FRS2: variants seen among roughly 807,000 people sequenced by gnomAD.
FRS2 encodes the protein FGFR signalling adaptor.
Under a neutral mutation model 43.9 loss-of-function variants are expected in FRS2, and 8 were observed. That is an observed-to-expected ratio of 0.18 (90% CI 0.11 to 0.33). FRS2 has a LOEUF of 0.33. Ranked by LOEUF, FRS2 falls within the 10% of genes least tolerant of loss-of-function variation. FRS2 has a pLI of 1.00. For synonymous variants in FRS2, 219 were observed against 220.3 expected, an observed-to-expected ratio of 0.99 and a Z score of 0.05; for missense variants, 534 against 627.6, an observed-to-expected ratio of 0.85 and a Z score of 1.59.
chr12:69,530,221 A>G (rs1196773601), intron 1 of FRS2, among the ~76,000 whole-genome samples: 1 of 152,186 alleles, frequency 6.6e-6, no homozygotes, highest in Non-Finnish European at 1.5e-5. Flanking sequence ...TATAATAAAT[A>G]AGCAATTTGT....
At chr12:69,505,396 A>C (rs774864297) in intron 1 of FRS2, among the ~76,000 whole-genome samples, 1 of 152,242 alleles carries the variant, frequency 6.6e-6, no homozygotes, top group Non-Finnish European at 1.5e-5. Flanking sequence ...AAGGATATAC[A>C]TAATAAGAAT....
intron 7 of FRS2, among the ~76,000 whole-genome samples, 154 bp downstream of exon 7, chr12:69,571,588 G>A (rs139464067): frequency 0.019 from 2,872 of 152,296 alleles, 79 homozygotes; most frequent in African/African-American, 0.065. Flanking sequence ...TAGGCCGGGC[G>A]CAGTGGCTCA....
In FRS2 at chr12:69,578,509, A is replaced by G. The variant is rs1334188554; in HGVS notation, c.*3554A>G. The stretch of plus-strand genomic sequence containing the variant: ...CCCTGTTCCCCATCCCTACTTCCTC[A>G]TTTTTGGTATAACACAGTTCTTTTG... On this transcript the variant is annotated 3_prime_UTR_variant, in exon 9 of 9. Transcript: ENST00000549921. The G allele has an allele frequency of 6.6e-6, 1 of 152,260 alleles. No homozygotes were observed. Among genetic ancestry groups the G allele is most frequent in the African/African-American group, 2.4e-5 (1 of 41,362 alleles). The allele number at this position is 152,260 out of a possible 1,614,324, so 9.4% of individuals were successfully genotyped here.
At chr12:69,536,579 A>AT (rs5798939) in intron 3 of FRS2, among the ~76,000 whole-genome samples, 31 of 134,250 alleles carry the variant, frequency 2.3e-4, no homozygotes, top group Non-Finnish European at 2.7e-4. Flanking sequence ...TTTTTTTTTA[A>AT]TTTTTTTTTT....
chr12:69,505,278 C>T (rs1873822461), intron 1 of FRS2, among the ~76,000 whole-genome samples: 1 of 152,118 alleles, frequency 6.6e-6, no homozygotes, highest in African/African-American at 2.4e-5. Context: ...CAACTTTTGG[C>T]TTAATGTTTT....
rs1466156860 is a variant in FRS2 at position 69,536,563 on chromosome 12, A to C, written c.-122+4507A>C. ...AGTCAATTGTGTTACCGATAGATTT[A>C]GTTTTTTTTTTTTTAATTTTTTTTT... On this transcript the variant is annotated intron_variant, in intron 3 of 8. Transcript: ENST00000549921. Among the ~76,000 whole-genome samples, 3 of 137,758 alleles carry C rather than the reference A, an allele frequency of 2.2e-5. No individual in the cohort carries two copies. In the Admixed American group the frequency reaches 2.2e-4, roughly 10 times the overall value. 90.4% of individuals were successfully genotyped at this position (137,758 alleles called of 152,430 possible).
chr12:69,520,981 A>G (rs529269928), intron 1 of FRS2, among the ~76,000 whole-genome samples: 1 of 152,052 alleles, frequency 6.6e-6, no homozygotes, highest in African/African-American at 2.4e-5. Flanking sequence ...TAGTTGATAA[A>G]TTGCTTTGGG....
chr12:69,499,235 A>G (rs1489612231), intron 1 of FRS2, among the ~76,000 whole-genome samples: 2 of 152,192 alleles, frequency 1.3e-5, no homozygotes, highest in Non-Finnish European at 2.9e-5. Flanking sequence ...AATTGTGTGT[A>G]TAGTGTATTG....
chr12:69,476,765 T>TGGGGGGGGGGGGGGGGGGGGTGGG (rs1870823120), intron 1 of FRS2, among the ~76,000 whole-genome samples: 1 of 31,758 alleles, frequency 3.1e-5, no homozygotes, highest in African/African-American at 1.2e-4. Flanking sequence ...GGGGGGGGTG[T>TGGGGGGGGGGGGGGGGGGGGTGGG]GGGGGTGGGG....
chr12:69,485,095 A>ACACACACACACACGCG (rs1871736114), intron 1 of FRS2, among the ~76,000 whole-genome samples: 1 of 133,352 alleles, frequency 7.5e-6, no homozygotes. Flanking sequence ...ACACACACAC[A>ACACACACACACACGCG]CACACACACA....
In FRS2 at chr12:69,579,277, A is replaced by G. The variant is rs1431845185; in HGVS notation, c.*4322A>G. On this transcript the variant is annotated 3_prime_UTR_variant, in exon 9 of 9. Coordinates refer to ENST00000549921, the MANE Select transcript of FRS2 (RefSeq NM_001278356.2). The stretch of plus-strand genomic sequence containing the variant: ...TGTTTTTTGCCATATAAGCCATGTC[A>G]TCAGGCATGAAAAGTTTTCTCATAT... 6.6e-6 allele frequency: 1 copy of G among 152,644 alleles called. No homozygotes were observed. The highest frequency in any genetic ancestry group is 1.5e-5 in the Non-Finnish European group (1 of 68,042). 9.5% of individuals were successfully genotyped at this position (152,644 alleles called of 1,614,324 possible). A position where few individuals can be genotyped will look rare whatever the true frequency, so the allele number is the denominator to read the frequency against.
intron 1 of FRS2, among the ~76,000 whole-genome samples, chr12:69,493,384 A>G (rs1453098966): frequency 6.6e-6 from 1 of 152,224 alleles, no homozygotes; most frequent in Non-Finnish European, 1.5e-5. Flanking sequence ...ATTGCTTAAA[A>G]TGCCCTTTGA....
intron 1 of FRS2, among the ~76,000 whole-genome samples, chr12:69,510,345 T>G (rs1412917549): frequency 6.6e-6 from 1 of 152,230 alleles, no homozygotes; most frequent in Non-Finnish European, 1.5e-5. Context: ...AATTCTATTT[T>G]ATTCTGTCTC....
rs1489674010 is a variant in FRS2 at position 69,485,115 on chromosome 12, A to ACGCGCGCG, written c.-261+14586_-261+14587insGCGCGCGC. On this transcript the variant is annotated intron_variant, in intron 1 of 8. Coordinates refer to ENST00000549921, the MANE Select transcript of FRS2 (RefSeq NM_001278356.2). ...CACACACACACACACACACACACAC[A>ACGCGCGCG]CACACACACACACACACACACTCTC... 1.4e-3 allele frequency among the ~76,000 whole-genome samples: 207 copies of ACGCGCGCG among 143,224 alleles called. 1 individual carries two copies. Among genetic ancestry groups the ACGCGCGCG allele is most frequent in the African/African-American group, 5.5e-3 (201 of 36,276 alleles). 94.0% of individuals were successfully genotyped at this position (143,224 alleles called of 152,430 possible).
At chr12:69,471,681 C>T (rs1227643339) in intron 1 of FRS2, among the ~76,000 whole-genome samples, 1 of 152,170 alleles carries the variant, frequency 6.6e-6, no homozygotes, top group Non-Finnish European at 1.5e-5. Context: ...GGGTTTTCCA[C>T]AATAAATGGT....
intron 1 of FRS2, among the ~76,000 whole-genome samples, chr12:69,515,165 T>A (rs540531600): frequency 5.9e-5 from 9 of 152,234 alleles, no homozygotes; most frequent in Admixed American, 1.3e-4. Context: ...CCAAAGCCAG[T>A]GCTAACTACT....
chr12:69,578,806 T>G lies in FRS2; in HGVS notation c.*3851T>G, dbSNP rs567745395. 1.1e-4 allele frequency: 17 copies of G among 152,798 alleles called. No homozygotes were observed. Among genetic ancestry groups the G allele is most frequent in the African/African-American group, 3.8e-4 (16 of 41,586 alleles). 9.5% of individuals were successfully genotyped at this position (152,798 alleles called of 1,614,324 possible). ...CTTTGTATAAAGGTAGCTTATTAGA[T>G]TTTTAATTTTTTCTTTTATAAAAAA... On this transcript the variant is annotated 3_prime_UTR_variant, in exon 9 of 9. Coordinates refer to ENST00000549921, the MANE Select transcript of FRS2 (RefSeq NM_001278356.2).
At chr12:69,534,115 G>T (rs1877059630) in intron 3 of FRS2, among the ~76,000 whole-genome samples, 1 of 152,118 alleles carries the variant, frequency 6.6e-6, no homozygotes, top group South Asian at 2.1e-4. Flanking sequence ...CAGTCTTTTT[G>T]TTGTTCAAAA....
At chr12:69,504,639 T>A (rs767539500) in intron 1 of FRS2, among the ~76,000 whole-genome samples, 1 of 152,256 alleles carries the variant, frequency 6.6e-6, no homozygotes, top group Non-Finnish European at 1.5e-5. Flanking sequence ...TTCTCATAGA[T>A]TATTATAATT....
Sources: allele counts gnomAD v4.1 joint callset (sites outside exome capture counted in the v4.1 genomes callset), GRCh38; gene constraint gnomAD v4.1.1; transcripts MANE v1.5; gene names NCBI Gene and HGNC (gene_info 2026-07-23, HGNC 2026-07-21).